SAMD5: variants seen among roughly 807,000 people sequenced by gnomAD.
SAMD5 encodes the protein sterile alpha motif domain-containing protein 5.
Under a neutral mutation model 11.3 loss-of-function variants are expected in SAMD5, and 13 were observed. The ratio of observed to expected loss-of-function variants is 1.15; its 90% confidence interval spans 0.75 to 1.83. The LOEUF is 1.83. Among genes scored for constraint, SAMD5 ranks in the 40% most tolerant of loss-of-function variants. The probability of loss-of-function intolerance (pLI) is 0.00; values close to 1 mark genes in which losing one functional copy is unlikely to be tolerated. For missense variants in SAMD5, 255 were observed against 239.1 expected (o/e 1.07, Z -0.44); for synonymous variants, 129 against 111.3 (o/e 1.16, Z -1.00).
chr6:147,766,744 A>T, the SAMD5 span, among the ~76,000 whole-genome samples: 2 of 152,016 alleles, frequency 1.3e-5, no homozygotes, highest in African/African-American at 4.8e-5. Flanking sequence ...CAGAAAAATG[A>T]TAAAGAGAGT....
chr6:147,565,252 T>G lies in SAMD5; in HGVS notation c.*796T>G. On this transcript the variant is annotated 3_prime_UTR_variant, in exon 2 of 2. Coordinates refer to ENST00000367474, the MANE Select transcript of SAMD5 (RefSeq NM_001030060.3). ...GCCAGGGCCGCAGCTCACAGCCTGT[T>G]CTGAGCTGCAGTGCTTTATCCCACC... 1.2e-5 allele frequency: 12 copies of G among 985,896 alleles called. No homozygotes were observed. The highest frequency in any genetic ancestry group is 1.3e-5 in the Non-Finnish European group (11 of 829,972). 61.1% of individuals were successfully genotyped at this position (985,896 alleles called of 1,614,324 possible). A position where few individuals can be genotyped will look rare whatever the true frequency, so the allele number is the denominator to read the frequency against.
intron 1 of SAMD5, among the ~76,000 whole-genome samples, chr6:147,664,290 A>G (rs931867869): frequency 2.0e-5 from 3 of 152,174 alleles, no homozygotes; most frequent in Non-Finnish European, 2.9e-5. Context: ...TGTACTCAGC[A>G]GTGTCAGCTC....
downstream of SAMD5, among the ~76,000 whole-genome samples, chr6:147,572,224 A>G (rs755383922): frequency 4.0e-5 from 6 of 150,660 alleles, no homozygotes; most frequent in Non-Finnish European, 7.4e-5. Context: ...GGGAACCTGA[A>G]GGAACCACTG....
downstream of SAMD5, among the ~76,000 whole-genome samples, chr6:147,741,174 A>G (rs543761805): frequency 1.9e-4 from 29 of 152,274 alleles, no homozygotes; most frequent in South Asian, 2.1e-3. Flanking sequence ...AGGTAAAGAC[A>G]TGAAACCTTA....
At chr6:147,663,791 CAAAAAAAAA>C (rs199707045) in intron 1 of SAMD5, among the ~76,000 whole-genome samples, 1 of 83,086 alleles carries the variant, frequency 1.2e-5, no homozygotes, top group African/African-American at 5.4e-5. Context: ...AACTCTGTCT[CAAAAAAAAA>C]AAAAAAAAAA....
chr6:147,839,111 C>T, the SAMD5 span, among the ~76,000 whole-genome samples: 1 of 152,178 alleles, frequency 6.6e-6, no homozygotes, highest in Non-Finnish European at 1.5e-5. Flanking sequence ...CCTATGAACC[C>T]TTTCTCACAC....
In SAMD5 at chr6:147,553,529, G is replaced by A. The variant is rs149788053; in HGVS notation, c.460-10865G>A. Among the ~76,000 whole-genome samples, 228 of 152,130 alleles carry A rather than the reference G, an allele frequency of 1.5e-3. 1 individual carries two copies. The highest frequency in any genetic ancestry group is 5.0e-3 in the African/African-American group (209 of 41,496). On this transcript the variant is annotated intron_variant, in intron 1 of 1. Transcript: ENST00000367474. ...ATACCTACAACCACTCTGGACCCAC[G>A]CTGGACACGATGCCATAAGGTTACC...
In SAMD5 at chr6:147,641,292, G is replaced by A. The variant is rs76136466; in HGVS notation, c.163-96025G>A. Reference sequence around the variant, plus strand: ...ACATTTCTTCATTTTAATGGGCTTCGGCAGCACATGATGAAATTTTCTGCC... The same window carrying A: ...ACATTTCTTCATTTTAATGGGCTTCAGCAGCACATGATGAAATTTTCTGCC... On this transcript the variant is annotated intron_variant, in intron 1 of 1. Transcript: ENST00000566741. Among the ~76,000 whole-genome samples, 57 of 152,160 alleles carry A rather than the reference G, an allele frequency of 3.7e-4. No homozygotes were observed. The East Asian group carries it at 4.4e-3, about 12-fold the overall frequency.
the SAMD5 span, among the ~76,000 whole-genome samples, chr6:147,907,475 A>G: frequency 6.6e-6 from 1 of 152,194 alleles, no homozygotes; most frequent in African/African-American, 2.4e-5. Context: ...AGATGCAATA[A>G]CTTTTGCACC....
the SAMD5 span, among the ~76,000 whole-genome samples, chr6:147,924,903 A>G: frequency 6.6e-6 from 1 of 152,100 alleles, no homozygotes; most frequent in African/African-American, 2.4e-5. Context: ...GATGATATGT[A>G]AAATTTGAAA....
intron 1 of SAMD5, among the ~76,000 whole-genome samples, chr6:147,557,321 CTA>C (rs1313458345): frequency 6.6e-5 from 10 of 152,158 alleles, no homozygotes; most frequent in Admixed American, 2.0e-4. Flanking sequence ...GCAAAGGAGC[CTA>C]TGTTTTCTAG....
chr6:147,923,762 G>A, the SAMD5 span, among the ~76,000 whole-genome samples: 6 of 152,260 alleles, frequency 3.9e-5, no homozygotes, highest in Non-Finnish European at 1.5e-5. Context: ...AAATCTCTAG[G>A]TTTACACTGT....
At chr6:147,579,063 C>T (rs144498859) in intron 1 of SAMD5, among the ~76,000 whole-genome samples, 1 of 152,360 alleles carries the variant, frequency 6.6e-6, no homozygotes, top group African/African-American at 2.4e-5. Flanking sequence ...TGACAAATTC[C>T]TAAACAATCC....
At chr6:147,757,126 C>T in the SAMD5 span, among the ~76,000 whole-genome samples, 1 of 152,174 alleles carries the variant, frequency 6.6e-6, no homozygotes, top group Admixed American at 6.5e-5. Flanking sequence ...ATTCTTGCTG[C>T]AATGTGATTG....
At chr6:147,786,358 G>A in the SAMD5 span, among the ~76,000 whole-genome samples, 1 of 152,068 alleles carries the variant, frequency 6.6e-6, no homozygotes, top group African/African-American at 2.4e-5. Context: ...TTGTTTTATA[G>A]TGACGTTATT....
chr6:147,797,691 C>G, the SAMD5 span, among the ~76,000 whole-genome samples: 905 of 141,142 alleles, frequency 6.4e-3, 13 homozygotes, highest in African/African-American at 0.024. Context: ...GTGAATCCAT[C>G]TGGTCCTGGA....
intron 1 of SAMD5, among the ~76,000 whole-genome samples, chr6:147,617,551 G>A (rs1368832069): frequency 6.6e-6 from 1 of 152,220 alleles, no homozygotes; most frequent in Non-Finnish European, 1.5e-5. Context: ...GCTTTAAATG[G>A]AAATTGCTGC....
the SAMD5 span, among the ~76,000 whole-genome samples, chr6:147,914,148 GT>G: frequency 2.5e-3 from 341 of 137,420 alleles, 8 homozygotes; most frequent in South Asian, 0.016. Flanking sequence ...TTATGAGATT[GT>G]TTTTGCGACT....
At chr6:147,570,867 T>C (rs377724714), downstream of SAMD5, among the ~76,000 whole-genome samples, 2 of 152,206 alleles carry the variant, frequency 1.3e-5, no homozygotes, top group Admixed American at 6.5e-5. Flanking sequence ...GTTTGTGGCA[T>C]GCCCATGATA....
Sources: gnomAD v4.1 joint callset for allele counts (sites outside exome capture counted in the v4.1 genomes callset) on GRCh38, gnomAD v4.1.1 for gene constraint, MANE v1.5 for transcripts, NCBI Gene and HGNC (gene_info 2026-07-23, HGNC 2026-07-21) for gene names.